Variants in ATP5MJ observed in about 807,000 individuals in gnomAD.
ATP5MJ encodes the protein ATP synthase membrane subunit j, also known as ATP synthase F(0) complex subunit j, mitochondrial.
Under a neutral mutation model 8.3 loss-of-function variants are expected in ATP5MJ, and 4 were observed. That is an observed-to-expected ratio of 0.48 (90% confidence interval 0.24 to 1.11). ATP5MJ has a LOEUF of 1.11. Ranked by LOEUF, ATP5MJ falls within the 50% of genes least tolerant of loss-of-function variation. The probability of loss-of-function intolerance (pLI) is 0.18; values close to 1 mark genes in which losing one functional copy is unlikely to be tolerated. For synonymous variants in ATP5MJ, 23 were observed against 21.3 expected (o/e 1.08, Z -0.23); for missense variants, 66 against 71.8 (o/e 0.92, Z 0.29).
Position 103,919,140 on chromosome 14 carries a change from C to A in ATP5MJ, c.-1+2330G>T, listed in dbSNP as rs541379180. On this transcript the variant is annotated intron_variant, in intron 1 of 3. Transcript: ENST00000286953. ...GCTTACGCCTATAATCCCAGCATCT[C>A]GGGAGGCCAAGGTGGGCGGATCACT... is the stretch of plus-strand genomic sequence containing the variant. Among the ~76,000 whole-genome samples the A allele has an allele frequency of 8.5e-5, 13 of 152,168 alleles. No individual in the cohort carries two copies. In the South Asian group the frequency reaches 2.5e-3, roughly 29 times the overall value.
chr14:103,914,849 A>AAAAAAAAAAAAAAAAAACC, intron 2 of ATP5MJ: 1 of 365,072 alleles, frequency 2.7e-6, no homozygotes, highest in Non-Finnish European at 4.6e-6. Flanking sequence ...AAAAAAAAAA[A>AAAAAAAAAAAAAAAAAACC]AAAAAAAAGA....
At chr14:103,914,179 A>G (rs1396145895) in intron 2 of ATP5MJ, 195 bp from the exon 3 acceptor site, 1 of 599,136 alleles carries the variant, frequency 1.7e-6, no homozygotes, top group Non-Finnish European at 2.9e-6. Flanking sequence ...GCCCTTTCAA[A>G]TTTGCAGGGC....
intron 3 of ATP5MJ, chr14:103,912,947 C>G (rs546388625): frequency 1.9e-6 from 1 of 513,254 alleles, no homozygotes; most frequent in African/African-American, 1.9e-5. Context: ...CCTCCTCAAA[C>G]TCATGTAGCC....
intron 1 of ATP5MJ, among the ~76,000 whole-genome samples, chr14:103,919,928 G>A (rs2087660148): frequency 6.6e-6 from 1 of 151,870 alleles, no homozygotes; most frequent in South Asian, 2.1e-4. Flanking sequence ...CCGGGTGCAA[G>A]CGATTCTCCT....
chr14:103,919,310 G>A (rs1440175037), intron 1 of ATP5MJ, among the ~76,000 whole-genome samples: 1 of 151,440 alleles, frequency 6.6e-6, no homozygotes, highest in Non-Finnish European at 1.5e-5. Flanking sequence ...GAACCCGGGA[G>A]GCGGAGCTTG....
intron 3 of ATP5MJ, chr14:103,913,685 C>T: frequency 1.8e-6 from 1 of 547,072 alleles, no homozygotes; most frequent in South Asian, 2.8e-5. Flanking sequence ...CTCACTTGTG[C>T]TTCCCTATTG....
rs35916279 is a variant in ATP5MJ at position 103,914,837 on chromosome 14, C to CAAAAAAAAAAAAAAAAAAAAA, written c.124+228_124+229insTTTTTTTTTTTTTTTTTTTTT. The CAAAAAAAAAAAAAAAAAAAAA allele has an allele frequency of 6.8e-4, 130 of 190,888 alleles. 3 individuals are homozygous for CAAAAAAAAAAAAAAAAAAAAA. The highest frequency in any genetic ancestry group is 3.1e-3 in the Middle Eastern group (2 of 652). The allele number at this position is 190,888 out of a possible 1,614,324, so 11.8% of individuals were successfully genotyped here. On this transcript the variant is annotated intron_variant, in intron 2 of 3. Transcript: ENST00000286953. Reference sequence around the variant, plus strand: ...GGGCGTCAGAGTGAGAGACTGTCTCCAAAAAAAAAAAAAAAAAAAAGAAAA... The same window carrying CAAAAAAAAAAAAAAAAAAAAA: ...GGGCGTCAGAGTGAGAGACTGTCTCCAAAAAAAAAAAAAAAAAAAAAAAAAAAAAAAAAAAAAAAAAGAAAA...
At chr14:103,917,458 C>CT (rs11397437) in intron 1 of ATP5MJ, among the ~76,000 whole-genome samples, 21,018 of 146,318 alleles carry the variant, frequency 0.14, 3,191 homozygotes, top group African/African-American at 0.39. Flanking sequence ...AATTTAACAA[C>CT]TTTTTTTTTT....
chr14:103,914,625 AC>A, intron 2 of ATP5MJ: 1 of 589,316 alleles, frequency 1.7e-6, no homozygotes, highest in Non-Finnish European at 3.0e-6. Flanking sequence ...ACATGGCAAA[AC>A]CCCATCTCTA....
At chr14:103,916,508 G>C (rs2087626878) in intron 1 of ATP5MJ, among the ~76,000 whole-genome samples, 2 of 152,156 alleles carry the variant, frequency 1.3e-5, no homozygotes, top group Admixed American at 6.6e-5. Context: ...TGATGTGGGA[G>C]GGTCACTTGA....
Position 103,914,680 on chromosome 14 carries a change from T to C in ATP5MJ, c.124+386A>G, listed in dbSNP as rs7153756. 5.9e-3 allele frequency: 3,319 copies of C among 565,044 alleles called. 91 individuals carry two copies. Among genetic ancestry groups the C allele is most frequent in the African/African-American group, 0.057 (2,944 of 51,382 alleles). The allele number at this position is 565,044 out of a possible 1,614,324, so 35.0% of individuals were successfully genotyped here. On this transcript the variant is annotated intron_variant, in intron 2 of 3. Transcript: ENST00000286953. ...AAAAAAAATTAGCTAGGTGTGGTGG[T>C]GTTGGGCATAGTGACGGGCACCTGT...
chr14:103,914,915 T>C lies in ATP5MJ; in HGVS notation c.124+151A>G, dbSNP rs1169463807. Reference sequence around the variant, plus strand: ...CCCCAAATGTCTTTTATAGCTGACATGTGCTCCCTGTATTTTTTACGAAGG... The same window carrying C: ...CCCCAAATGTCTTTTATAGCTGACACGTGCTCCCTGTATTTTTTACGAAGG... On this transcript the variant is annotated intron_variant, in intron 2 of 3. Coordinates refer to ENST00000286953, the MANE Select transcript of ATP5MJ (RefSeq NM_004894.3). 7 of 897,210 alleles carry C rather than the reference T, an allele frequency of 7.8e-6. No individual in the cohort carries two copies. The Admixed American group carries it at 1.2e-4, about 16-fold the overall frequency. 55.6% of individuals were successfully genotyped at this position (897,210 alleles called of 1,614,324 possible).
rs183641294 is a variant in ATP5MJ at position 103,920,864 on chromosome 14, T to C, written c.-1+606A>G. 79 of 1,027,300 alleles carry C rather than the reference T, an allele frequency of 7.7e-5. No individual in the cohort carries two copies. In the East Asian group the frequency reaches 1.5e-3, roughly 20 times the overall value. 63.6% of individuals were successfully genotyped at this position (1,027,300 alleles called of 1,614,324 possible). A position where few individuals can be genotyped will look rare whatever the true frequency, so the allele number is the denominator to read the frequency against. On this transcript the variant is annotated intron_variant, in intron 1 of 3. Transcript: ENST00000286953. ...ACCTTTTAAAAATCCATCTTATTCA[T>C]AGGCCAAACGTGTGTCTACTGTATC...
chr14:103,918,480 C>A (rs2087643596), intron 1 of ATP5MJ, among the ~76,000 whole-genome samples: 1 of 152,210 alleles, frequency 6.6e-6, no homozygotes, highest in South Asian at 2.1e-4. Flanking sequence ...CCTGCCTCAG[C>A]CTCCCGAGTA....
intron 3 of ATP5MJ, 60 bp from the exon 4 acceptor site, chr14:103,912,754 A>G (rs2087590586): frequency 7.2e-6 from 11 of 1,528,702 alleles, no homozygotes; most frequent in African/African-American, 1.4e-5. Context: ...GTTGGATGTA[A>G]TTTATTAAAC....
intron 3 of ATP5MJ, 111 bp downstream of exon 3, chr14:103,913,850 A>G (rs750910297): frequency 1.7e-5 from 22 of 1,275,450 alleles, no homozygotes; most frequent in Non-Finnish European, 2.4e-5. Flanking sequence ...TGCACCTTAC[A>G]TATATACTGA....
chr14:103,915,784 G>A (rs369189451), intron 1 of ATP5MJ, among the ~76,000 whole-genome samples: 5 of 151,624 alleles, frequency 3.3e-5, no homozygotes, highest in East Asian at 1.9e-4. Flanking sequence ...CACAGGGCCC[G>A]GCCTGGGACT....
chr14:103,913,093 G>C (rs1308515550), intron 3 of ATP5MJ: 1 of 165,098 alleles, frequency 6.1e-6, no homozygotes, highest in Non-Finnish European at 1.3e-5. Context: ...CACTTTGGGA[G>C]GCCAAGGCAG....
intron 3 of ATP5MJ, chr14:103,913,083 C>A (rs1358714599): frequency 5.8e-6 from 1 of 171,886 alleles, no homozygotes; most frequent in Non-Finnish European, 1.2e-5. Context: ...GTAATCCCAA[C>A]ACTTTGGGAG....
Sources: allele counts gnomAD v4.1 joint callset (sites outside exome capture counted in the v4.1 genomes callset), GRCh38; gene constraint gnomAD v4.1.1; transcripts MANE v1.5; gene names NCBI Gene and HGNC (gene_info 2026-07-23, HGNC 2026-07-21).